UBE2E1: variants seen among roughly 807,000 people sequenced by gnomAD.
UBE2E1 encodes ubiquitin conjugating enzyme E2 E1.
A neutral mutation model predicts 21.4 loss-of-function variants in UBE2E1; 6 were observed. The ratio of observed to expected loss-of-function variants is 0.28; its 90% confidence interval spans 0.15 to 0.55. The LOEUF (loss-of-function observed/expected upper bound fraction) is 0.55. Among genes scored for constraint, UBE2E1 ranks in the 20% least tolerant of loss-of-function variants. The probability of loss-of-function intolerance (pLI) is 0.93; values close to 1 mark genes in which losing one functional copy is unlikely to be tolerated. For synonymous variants in UBE2E1, 87 were observed against 82.7 expected (o/e 1.05, Z -0.28); for missense variants, 142 against 236.5 (o/e 0.60, Z 2.62).
chr3:23,847,670 A>G (rs938469526), intron 3 of UBE2E1, among the ~76,000 whole-genome samples: 3 of 151,232 alleles, frequency 2.0e-5, no homozygotes, highest in Non-Finnish European at 3.0e-5. Context: ...AATTTTTTCT[A>G]ATTTTTATTA....
intron 3 of UBE2E1, among the ~76,000 whole-genome samples, chr3:23,874,384 G>A (rs1700871419): frequency 6.6e-6 from 1 of 152,174 alleles, no homozygotes; most frequent in Non-Finnish European, 1.5e-5. Context: ...TCCCCCAGCT[G>A]ACTCTCACTT....
chr3:23,835,822 A>G (rs927826499), intron 3 of UBE2E1, among the ~76,000 whole-genome samples: 3 of 152,236 alleles, frequency 2.0e-5, no homozygotes, highest in African/African-American at 4.8e-5. Context: ...TTGAGACTGC[A>G]TTAAATTTCT....
intron 3 of UBE2E1, among the ~76,000 whole-genome samples, chr3:23,829,476 T>G (rs867499461): frequency 5.9e-5 from 9 of 152,032 alleles, no homozygotes; most frequent in African/African-American, 2.2e-4. Context: ...GTTTTCTAAA[T>G]TTTTTTGGAG....
intron 3 of UBE2E1, among the ~76,000 whole-genome samples, chr3:23,884,961 G>A (rs1328356922): frequency 6.6e-6 from 1 of 152,138 alleles, no homozygotes; most frequent in Non-Finnish European, 1.5e-5. Flanking sequence ...TGCACTCCAG[G>A]TGTCATAGCT....
chr3:23,855,943 C>T (rs922622808), intron 3 of UBE2E1, among the ~76,000 whole-genome samples: 3 of 152,172 alleles, frequency 2.0e-5, no homozygotes, highest in African/African-American at 4.8e-5. Flanking sequence ...TGTGGAATAG[C>T]ATTAGCTGTG....
chr3:23,827,497 A>G (rs1699782978), intron 3 of UBE2E1, among the ~76,000 whole-genome samples: 1 of 152,228 alleles, frequency 6.6e-6, no homozygotes, highest in African/African-American at 2.4e-5. Context: ...TTCTCATTTT[A>G]TAAATGAGGA....
chr3:23,834,457 A>G (rs1699936003), intron 3 of UBE2E1, among the ~76,000 whole-genome samples: 1 of 152,154 alleles, frequency 6.6e-6, no homozygotes, highest in Non-Finnish European at 1.5e-5. Context: ...AGCATGTCCC[A>G]TTACTCTGTA....
intron 3 of UBE2E1, among the ~76,000 whole-genome samples, chr3:23,855,804 T>G (rs1009637141): frequency 6.6e-6 from 1 of 151,808 alleles, no homozygotes; most frequent in South Asian, 2.1e-4. Flanking sequence ...CACTCCAGCC[T>G]GGGCGACAGA....
At position 23,838,730 on chromosome 3, in the gene UBE2E1, G is replaced by C. The variant is rs141663744; in HGVS notation, c.203+27220G>C. Among the ~76,000 whole-genome samples the C allele has an allele frequency of 4.9e-3, 752 of 152,186 alleles. 7 individuals are homozygous for C. Among genetic ancestry groups the C allele is most frequent in the African/African-American group, 0.017 (695 of 41,532 alleles). On this transcript the variant is annotated intron_variant, in intron 3 of 5. Coordinates refer to ENST00000306627, the MANE Select transcript of UBE2E1 (RefSeq NM_003341.5). ...CAGGCTGTTCGCAAACTCCTGAGCT[G>C]AAGGGATCTGCCTGCCTCGGCCTCC...
intron 3 of UBE2E1, among the ~76,000 whole-genome samples, chr3:23,867,415 G>A (rs2125317177): frequency 6.6e-6 from 1 of 152,084 alleles, no homozygotes; most frequent in South Asian, 2.1e-4. Flanking sequence ...GCTTATATTT[G>A]GATAAATTAT....
In UBE2E1 at chr3:23,855,958, C is replaced by A. The variant is rs72627029; in HGVS notation, c.204-31609C>A. ...TGTGGAATAGCATTAGCTGTGTTTT[C>A]CAGATGAGGAAACTGAGGACTGAAC... On this transcript the variant is annotated intron_variant, in intron 3 of 5. Coordinates refer to ENST00000306627, the MANE Select transcript of UBE2E1 (RefSeq NM_003341.5). 3.6e-3 allele frequency among the ~76,000 whole-genome samples: 544 copies of A among 152,300 alleles called. 15 individuals are homozygous for A. The East Asian group carries it at 0.049, about 14-fold the overall frequency.
chr3:23,829,769 T>A (rs1473686103), intron 3 of UBE2E1, among the ~76,000 whole-genome samples: 1 of 152,218 alleles, frequency 6.6e-6, no homozygotes, highest in Admixed American at 6.5e-5. Context: ...CCCCTCAGGC[T>A]TAGCTCACTA....
intron 3 of UBE2E1, among the ~76,000 whole-genome samples, chr3:23,847,488 ATTTTTTTTTT>A: frequency 1.0e-5 from 1 of 96,134 alleles, no homozygotes; most frequent in South Asian, 3.5e-4. Flanking sequence ...TGTACTTTAA[ATTTTTTTTTT>A]TTTTTTTTTT....
intron 3 of UBE2E1, among the ~76,000 whole-genome samples, chr3:23,835,197 G>T (rs374959496): frequency 6.6e-6 from 1 of 152,172 alleles, no homozygotes; most frequent in African/African-American, 2.4e-5. Flanking sequence ...AGGCCAGGTT[G>T]GGTGGCTCAT....
At chr3:23,845,589 C>CTCTGTGTGTGTGTGTGTGTG (rs1553637998) in intron 3 of UBE2E1, among the ~76,000 whole-genome samples, 3 of 121,358 alleles carry the variant, frequency 2.5e-5, no homozygotes, top group Middle Eastern at 4.0e-3. Context: ...CTCTCTCTCT[C>CTCTGTGTGTGTGTGTGTGTG]TGTGTGTGTG....
In UBE2E1 at chr3:23,845,443, A is replaced by G. The variant is rs1036232969; in HGVS notation, c.203+33933A>G. Among the ~76,000 whole-genome samples the G allele has an allele frequency of 3.3e-5, 5 of 152,244 alleles. No individual in the cohort carries two copies. The South Asian group carries it at 8.3e-4, about 25-fold the overall frequency. On this transcript the variant is annotated intron_variant, in intron 3 of 5. Coordinates refer to ENST00000306627, the MANE Select transcript of UBE2E1 (RefSeq NM_003341.5). ...ACATGACAATTCCCTTTTTCTAAGC[A>G]TATGTAGGAGTAGAGTGTAGATCAG...
chr3:23,807,767 A>G (rs1447659419), intron 2 of UBE2E1: 1 of 183,022 alleles, frequency 5.5e-6, no homozygotes, highest in Non-Finnish European at 1.1e-5. Context: ...TTTCTTAATT[A>G]CTAATACCAG....
In UBE2E1 at chr3:23,862,268, A is replaced by G. The variant is rs72627039; in HGVS notation, c.204-25299A>G. 4.3e-3 allele frequency among the ~76,000 whole-genome samples: 655 copies of G among 152,300 alleles called. 16 individuals carry two copies. In the East Asian group the frequency reaches 0.049, roughly 12 times the overall value. ...GTCCTCTCTGCTCTGGTCTCATTTA[A>G]TCTTTCAGGTTCTATCTTCACCTTC... On this transcript the variant is annotated intron_variant, in intron 3 of 5. Coordinates refer to ENST00000306627, the MANE Select transcript of UBE2E1 (RefSeq NM_003341.5).
intron 3 of UBE2E1, among the ~76,000 whole-genome samples, chr3:23,831,273 T>C (rs1026361167): frequency 3.3e-5 from 5 of 152,158 alleles, no homozygotes; most frequent in Non-Finnish European, 7.4e-5. Flanking sequence ...TCACTCCAAG[T>C]GCGCTTTATT....
Sources: gnomAD v4.1 joint callset for allele counts (sites outside exome capture counted in the v4.1 genomes callset) on GRCh38, gnomAD v4.1.1 for gene constraint, MANE v1.5 for transcripts, NCBI Gene and HGNC (gene_info 2026-07-23, HGNC 2026-07-21) for gene names.